Variants in CCDC187 observed in about 807,000 individuals in gnomAD.
CCDC187 encodes coiled-coil domain-containing protein 187.
A neutral mutation model predicts 38.0 loss-of-function variants in CCDC187; 32 were observed. The ratio of observed to expected loss-of-function variants is 0.84; its 90% CI spans 0.64 to 1.13. CCDC187 has a LOEUF of 1.13. Among genes scored for constraint, CCDC187 ranks in the 50% most tolerant of loss-of-function variants. The pLI is 0.00. For synonymous variants in CCDC187, 333 were observed against 347.9 expected (o/e 0.96, Z 0.48); for missense variants, 707 against 786.8 (o/e 0.90, Z 1.21).
At chr9:136,304,429 G>C (rs1831766375), upstream of CCDC187, among the ~76,000 whole-genome samples, 1 of 152,214 alleles carries the variant, frequency 6.6e-6, no homozygotes, top group African/African-American at 2.4e-5. Context: ...CCATCTCTCA[G>C]TTCCATGGGG....
In CCDC187 at chr9:136,271,066, C is replaced by G. The variant is rs150476793; in HGVS notation, c.3443-2941G>C. 3.4e-3 allele frequency among the ~76,000 whole-genome samples: 525 copies of G among 152,184 alleles called. 3 individuals are homozygous for G. Among genetic ancestry groups the G allele is most frequent in the African/African-American group, 0.012 (496 of 41,498 alleles). On this transcript the variant is annotated intron_variant, in intron 14 of 25. Transcript: ENST00000638797. The stretch of plus-strand genomic sequence containing the variant: ...ACAGTTTGTGCCTTCAGTCTCTTGC[C>G]TCGGCACCTGGGTAATCTTCTGCCC...
At chr9:136,293,521 A>G (rs2131326409) in intron 4 of CCDC187, among the ~76,000 whole-genome samples, 1 of 83,904 alleles carries the variant, frequency 1.2e-5, no homozygotes, top group South Asian at 3.2e-4. Flanking sequence ...ACACATGCTC[A>G]CATACACGCT....
chr9:136,305,808 C>A (rs969552675), upstream of CCDC187, among the ~76,000 whole-genome samples: 13 of 152,354 alleles, frequency 8.5e-5, no homozygotes, highest in South Asian at 1.0e-3. Context: ...CGAGGTCCTG[C>A]GAGTTGCCCC....
rs1422415993 is a variant in CCDC187 at position 136,291,111 on chromosome 9, G to GGACT, written c.1498_1501dup (p.Pro501GlnfsTer23). 2.5e-6 allele frequency: 1 copy of GGACT among 398,494 alleles called. No individual in the cohort carries two copies. The highest frequency in any genetic ancestry group is 4.4e-6 in the Non-Finnish European group (1 of 226,090). 24.7% of individuals were successfully genotyped at this position (398,494 alleles called of 1,614,324 possible). A position where few individuals can be genotyped will look rare whatever the true frequency, so the allele number is the denominator to read the frequency against. ...TCTTTGGGCCCCCCAGGCCCTCTGC[G>GGACT]GACTGCAGGCCTGCCCAGCCAGTGC... On this transcript the variant is annotated frameshift_variant, in exon 6 of 26. Coordinates refer to ENST00000638797, the MANE Select transcript of CCDC187 (RefSeq NM_001378188.1). LOFTEE classifies it high-confidence loss of function.
chr9:136,268,163 G>T, intron 14 of CCDC187, 38 bp from the exon 15 acceptor site: 2 of 982,856 alleles, frequency 2.0e-6, no homozygotes, highest in South Asian at 4.7e-5. Context: ...CATGTAGGGG[G>T]TCTGAGTGCC....
At chr9:136,262,937 A>G (rs1180756205) in intron 18 of CCDC187, among the ~76,000 whole-genome samples, 1 of 151,894 alleles carries the variant, frequency 6.6e-6, no homozygotes, top group Non-Finnish European at 1.5e-5. Context: ...CTGCCGGTGG[A>G]CATGGGGGAC....
intron 16 of CCDC187, 129 bp downstream of exon 16, chr9:136,267,255 C>G (rs1554761759): frequency 1.8e-6 from 1 of 557,830 alleles, no homozygotes; most frequent in Non-Finnish European, 2.3e-6. Flanking sequence ...CCTCTTGTTT[C>G]TCAAAACGCT....
chr9:136,256,393 A>G, intron 23 of CCDC187, 70 bp from the exon 24 acceptor site: 1 of 785,556 alleles, frequency 1.3e-6, no homozygotes, highest in Non-Finnish European at 1.5e-6. Context: ...CCGTAGCTGG[A>G]TGGAGCCCCT....
chr9:136,292,079 G>A, intron 5 of CCDC187, 82 bp downstream of exon 5: 2 of 398,470 alleles, frequency 5.0e-6, no homozygotes, highest in Non-Finnish European at 8.8e-6. Context: ...AGGCGGCCTG[G>A]AGCCTGGGTG....
Position 136,259,405 on chromosome 9 carries a change from G to A in CCDC187, c.4254C>T (p.His1418=), listed in dbSNP as rs547452986. The change falls in exon 21 of 26, where the codon CAC becomes CAT. Residue 1418 remains histidine (H), a synonymous_variant. Coordinates refer to ENST00000638797, the MANE Select transcript of CCDC187 (RefSeq NM_001378188.1). The part of the protein sequence containing the change: ...QPRAPLLGLQ[H]VSPPDGQRLG... ...GCCGCTGTCCGTCCGGGGGGCTCAC[G>A]TGCTGCAGGCCCAGCAGAGGGGCCC... 2.0e-3 allele frequency: 1,954 copies of A among 985,552 alleles called. 5 individuals carry two copies. The highest frequency in any genetic ancestry group is 2.3e-3 in the Non-Finnish European group (1,879 of 830,124). The allele number at this position is 985,552 out of a possible 1,614,324, so 61.1% of individuals were successfully genotyped here. A position where few individuals can be genotyped will look rare whatever the true frequency, so the allele number is the denominator to read the frequency against.
intron 9 of CCDC187, among the ~76,000 whole-genome samples, chr9:136,284,948 A>G (rs931570093): frequency 1.6e-3 from 248 of 152,168 alleles, no homozygotes; most frequent in African/African-American, 5.2e-3. Context: ...CTGGGGCTGC[A>G]GGCGCTGGGG....
In CCDC187 at chr9:136,265,820, T is replaced by A. The variant is rs546780163; in HGVS notation, c.3735+136A>T. ...TCCTTCTATACTTCGGGGTCCTGTA[T>A]GGCCCTGGAGGGTGGCAAGGGCTTG... On this transcript the variant is annotated intron_variant, in intron 17 of 25. Transcript: ENST00000638797. The A allele has an allele frequency of 2.5e-5, 7 of 282,350 alleles. No homozygotes were observed. In the South Asian group the frequency reaches 5.5e-4, roughly 22 times the overall value. 17.5% of individuals were successfully genotyped at this position (282,350 alleles called of 1,614,324 possible).
At chr9:136,269,950 A>T (rs782657323) in intron 14 of CCDC187, among the ~76,000 whole-genome samples, 2 of 152,244 alleles carry the variant, frequency 1.3e-5, no homozygotes, top group Non-Finnish European at 2.9e-5. Context: ...ACTTGAGATG[A>T]AAAACACACT....
intron 16 of CCDC187, 181 bp from the exon 17 acceptor site, chr9:136,266,224 G>A (rs868947616): frequency 2.7e-4 from 46 of 173,324 alleles, no homozygotes; most frequent in African/African-American, 1.1e-3. Context: ...TGGCCAGATG[G>A]CCCAACCCGG....
At chr9:136,260,938 G>C (rs1438593539) in intron 19 of CCDC187, among the ~76,000 whole-genome samples, 1 of 152,216 alleles carries the variant, frequency 6.6e-6, no homozygotes, top group Non-Finnish European at 1.5e-5. Context: ...AGGGAGACAG[G>C]GCAGTGCCTC....
chr9:136,264,759 AC>A lies in CCDC187; in HGVS notation c.3736-962del, dbSNP rs1203297169. On this transcript the variant is annotated intron_variant, in intron 17 of 25. Coordinates refer to ENST00000638797, the MANE Select transcript of CCDC187 (RefSeq NM_001378188.1). This position sits in a 1 kb window ranked among gnomAD's most constrained non-coding sequence, Gnocchi z 4.3. ...GCAAAGTAGTCCCCCACCCCAGCTC[AC>A]CTTTTTTTTTTTTGAAACAAGGTCT... Among the ~76,000 whole-genome samples, 1,767 of 138,262 alleles carry A rather than the reference AC, an allele frequency of 0.013. 25 individuals carry two copies. Among genetic ancestry groups the A allele is most frequent in the African/African-American group, 0.043 (1,622 of 38,056 alleles). The allele number at this position is 138,262 out of a possible 152,430, so 90.7% of individuals were successfully genotyped here.
In CCDC187 at chr9:136,302,954, G is replaced by A. The variant is rs928110722; in HGVS notation, c.483C>T (p.Ala161=). 2 of 398,592 alleles carry A rather than the reference G, an allele frequency of 5.0e-6. No homozygotes were observed. The highest frequency in any genetic ancestry group is 4.1e-5 in the African/African-American group (2 of 48,636). The allele number at this position is 398,592 out of a possible 1,614,324, so 24.7% of individuals were successfully genotyped here. Residue 161 remains alanine, a synonymous_variant, in exon 2 of 26, where the codon GCC becomes GCT. Coordinates refer to ENST00000638797, the MANE Select transcript of CCDC187 (RefSeq NM_001378188.1). ...RLEQLRDKIR[A]QAWQQGSCAS... is the part of the protein sequence containing the mutation. Reference sequence around the variant, plus strand: ...CACAGCTCCCCTGCTGCCACGCCTGGGCCCGGATCTTGTCTCTCAGCTGCT... The same window carrying A: ...CACAGCTCCCCTGCTGCCACGCCTGAGCCCGGATCTTGTCTCTCAGCTGCT...
chr9:136,259,027 T>C (rs1178342865), intron 21 of CCDC187, 26 bp from the exon 22 acceptor site: 2 of 984,560 alleles, frequency 2.0e-6, no homozygotes, highest in Non-Finnish European at 2.4e-6. Context: ...GGAGTGGACA[T>C]GGCACAGGGC....
At chr9:136,301,224 A>G (rs1339268054) in intron 2 of CCDC187, among the ~76,000 whole-genome samples, 1 of 152,238 alleles carries the variant, frequency 6.6e-6, no homozygotes, top group Non-Finnish European at 1.5e-5. Flanking sequence ...AGGAAGGTAC[A>G]TGGGGAATTG....
Sources: gnomAD v4.1 joint callset for allele counts (sites outside exome capture counted in the v4.1 genomes callset) on GRCh38, gnomAD v4.1.1 for gene constraint, Gnocchi (gnomAD v3.1) non-coding constraint, MANE v1.5 for transcripts, NCBI Gene and HGNC (gene_info 2026-07-23, HGNC 2026-07-21) for gene names.